FRMD6: variants seen among roughly 807,000 people sequenced by gnomAD.
FRMD6 encodes FERM domain containing 6.
A neutral mutation model predicts 73.2 loss-of-function variants in FRMD6; 37 were observed. The ratio of observed to expected loss-of-function variants is 0.51; its 90% CI spans 0.39 to 0.66. The LOEUF (loss-of-function observed/expected upper bound fraction) is 0.66. FRMD6 is among the 30% of genes least tolerant of loss of function. FRMD6 has a pLI of 0.00. For synonymous variants in FRMD6, 273 were observed against 282.2 expected (o/e 0.97, Z 0.33); for missense variants, 714 against 780.5 (o/e 0.91, Z 1.02).
At chr14:51,670,744 C>G (rs1025083739) in intron 1 of FRMD6, among the ~76,000 whole-genome samples, 5 of 151,638 alleles carry the variant, frequency 3.3e-5, no homozygotes, top group African/African-American at 4.9e-5. Flanking sequence ...TTCCTGGGTT[C>G]AAGCGATTCT....
chr14:51,467,851 C>T, the FRMD6 span, among the ~76,000 whole-genome samples: 28 of 151,508 alleles, frequency 1.8e-4, no homozygotes, highest in African/African-American at 4.6e-4. Flanking sequence ...AGACGATGGG[C>T]GGCTGGGCAG....
chr14:51,535,144 A>C (rs1314723679), intron 1 of FRMD6, among the ~76,000 whole-genome samples: 3 of 152,186 alleles, frequency 2.0e-5, no homozygotes, highest in African/African-American at 7.2e-5. Context: ...CAGTACTCTC[A>C]TGGCTTCCAG....
chr14:51,469,618 GAAAAAAAAA>G, the FRMD6 span, among the ~76,000 whole-genome samples: 1 of 96,764 alleles, frequency 1.0e-5, no homozygotes, highest in African/African-American at 3.8e-5. Context: ...ATTTCAAAAA[GAAAAAAAAA>G]AAAAAAAAAA....
intron 12 of FRMD6, among the ~76,000 whole-genome samples, chr14:51,723,873 CATA>C (rs1382151188): frequency 6.6e-6 from 1 of 151,104 alleles, no homozygotes; most frequent in East Asian, 1.9e-4. Context: ...TATTTAATAA[CATA>C]AGAAGGATAG....
In FRMD6 at chr14:51,635,348, T is replaced by C. The variant is rs930297760; in HGVS notation, c.-146-54343T>C. Among the ~76,000 whole-genome samples, 7 of 152,300 alleles carry C rather than the reference T, an allele frequency of 4.6e-5. No homozygotes were observed. In the East Asian group the frequency reaches 5.8e-4, roughly 13 times the overall value. ...AGTTTAAGTCTGCAGTAAGCTATGA[T>C]TGTGGCACTGCACTGCACTCCAGCA... is the stretch of plus-strand genomic sequence containing the variant. On this transcript the variant is annotated intron_variant, in intron 2 of 14. Coordinates refer to the FRMD6 transcript ENST00000356218.
intron 12 of FRMD6, among the ~76,000 whole-genome samples, chr14:51,725,456 G>A (rs993734976): frequency 3.3e-5 from 5 of 152,214 alleles, no homozygotes; most frequent in Admixed American, 1.3e-4. Flanking sequence ...ATGCAGTAAA[G>A]AGGCTGCTTT....
intron 1 of FRMD6, among the ~76,000 whole-genome samples, chr14:51,672,949 C>G (rs545083431): frequency 1.3e-5 from 2 of 152,230 alleles, no homozygotes; most frequent in Non-Finnish European, 1.5e-5. Flanking sequence ...GGACCTTATT[C>G]TAGCATGTAA....
At chr14:51,409,699 A>G in the FRMD6 span, among the ~76,000 whole-genome samples, 1 of 152,114 alleles carries the variant, frequency 6.6e-6, no homozygotes, top group Non-Finnish European at 1.5e-5. Context: ...CCCAGACTCA[A>G]TTGATCCTCC....
In FRMD6 at chr14:51,572,663, T is replaced by C. The variant is rs1021709139; in HGVS notation, c.-147+2253T>C. Among the ~76,000 whole-genome samples the C allele has an allele frequency of 5.3e-5, 8 of 152,354 alleles. No individual in the cohort carries two copies. In the East Asian group the frequency reaches 5.8e-4, roughly 11 times the overall value. Reference sequence around the variant, plus strand: ...GAGACATCTGGAATCTATACTTCTTTTGCAGTCAGAAACACAGTTTTGAGT... The same window carrying C: ...GAGACATCTGGAATCTATACTTCTTCTGCAGTCAGAAACACAGTTTTGAGT... On this transcript the variant is annotated intron_variant, in intron 2 of 14. Transcript: ENST00000356218.
At chr14:51,571,193 G>A (rs1051824137) in intron 2 of FRMD6, among the ~76,000 whole-genome samples, 1 of 152,102 alleles carries the variant, frequency 6.6e-6, no homozygotes, top group Admixed American at 6.5e-5. Context: ...GAACAACATC[G>A]TGAGACTTCA....
At chr14:51,426,733 A>G in the FRMD6 span, among the ~76,000 whole-genome samples, 1 of 152,162 alleles carries the variant, frequency 6.6e-6, no homozygotes, top group East Asian at 1.9e-4. Context: ...CTCTTCTCAG[A>G]GAGGGCTCAC....
chr14:51,570,694 GCA>G (rs2139587970), intron 2 of FRMD6, among the ~76,000 whole-genome samples: 1 of 152,340 alleles, frequency 6.6e-6, no homozygotes, highest in African/African-American at 2.4e-5. Flanking sequence ...TGACTCTGAT[GCA>G]CATACAGTTC....
intron 1 of FRMD6, among the ~76,000 whole-genome samples, chr14:51,662,655 G>T (rs1893301899): frequency 6.6e-6 from 1 of 152,136 alleles, no homozygotes; most frequent in Admixed American, 6.5e-5. Context: ...ACTCAAAATG[G>T]ATTAAAAGCT....
rs138016664 is a variant in FRMD6 at position 51,570,093 on chromosome 14, A to G, written c.-209-255A>G. ...GCCTCCCAAAGTGCTGGGATTACAGACGTGAGCCACTGCGCCCGGCCCATG... is the reference window on the plus strand; with the variant it reads ...GCCTCCCAAAGTGCTGGGATTACAGGCGTGAGCCACTGCGCCCGGCCCATG... On this transcript the variant is annotated intron_variant, in intron 1 of 14. Coordinates refer to the FRMD6 transcript ENST00000356218. 8.8e-3 allele frequency among the ~76,000 whole-genome samples: 1,334 copies of G among 152,044 alleles called. 36 individuals are homozygous for G. The East Asian group carries it at 0.1, about 11-fold the overall frequency.
At chr14:51,485,429 T>C (rs952284901), upstream of FRMD6, among the ~76,000 whole-genome samples, 1 of 152,182 alleles carries the variant, frequency 6.6e-6, no homozygotes, top group Non-Finnish European at 1.5e-5. Context: ...CATTCTGAGG[T>C]TCCAAGTGGA....
rs528315038 is a variant in FRMD6, at chr14:51,556,620, A to G, written c.-209-13728A>G. 2.0e-5 allele frequency among the ~76,000 whole-genome samples: 3 copies of G among 152,294 alleles called. No individual in the cohort carries two copies. The East Asian group carries it at 5.8e-4, about 29-fold the overall frequency. ...GGGAGGCGACAGGGGTATTGGCCTT[A>G]GGCAAAGTTTCTGTTCCAAAGGAGA... On this transcript the variant is annotated intron_variant, in intron 1 of 14. Coordinates refer to the FRMD6 transcript ENST00000356218.
chr14:51,512,509 A>T (rs986576108), intron 1 of FRMD6, among the ~76,000 whole-genome samples: 4 of 152,196 alleles, frequency 2.6e-5, no homozygotes, highest in Non-Finnish European at 4.4e-5. Context: ...TCATCCATCA[A>T]GGCTGCCACT....
chr14:51,611,693 TG>T (rs1230709252), intron 2 of FRMD6, among the ~76,000 whole-genome samples: 2 of 152,230 alleles, frequency 1.3e-5, no homozygotes, highest in Non-Finnish European at 2.9e-5. Flanking sequence ...GCTGTCAGTC[TG>T]GGGCTCACAC....
intron 1 of FRMD6, among the ~76,000 whole-genome samples, chr14:51,520,639 A>G (rs562515554): frequency 8.6e-4 from 131 of 152,276 alleles, no homozygotes; most frequent in Non-Finnish European, 1.3e-3. Flanking sequence ...ACGGTGGCTC[A>G]CCTCTTCCAG....
Sources: gnomAD v4.1 joint callset for allele counts (sites outside exome capture counted in the v4.1 genomes callset) on GRCh38, gnomAD v4.1.1 for gene constraint, MANE v1.5 for transcripts, NCBI Gene and HGNC (gene_info 2026-07-23, HGNC 2026-07-21) for gene names.